SEC14L5: variants seen among roughly 807,000 people sequenced by gnomAD.
The protein encoded by SEC14L5 is SEC14 like lipid binding 5, also known as SEC14-like protein 5.
SEC14L5 carries 96 observed loss-of-function variants against 84.6 expected under a neutral mutation model. The ratio of observed to expected loss-of-function variants is 1.13; its 90% CI spans 0.96 to 1.34. The LOEUF is 1.34. Ranked by LOEUF, SEC14L5 falls within the 40% of genes most tolerant of loss-of-function variation. The pLI, the probability that SEC14L5 is intolerant of heterozygous loss-of-function variation, is 0.00. For missense variants in SEC14L5, 1,224 were observed against 942.5 expected, an observed-to-expected ratio of 1.30 and a Z score of -3.91; for synonymous variants, 546 against 383.4, an observed-to-expected ratio of 1.42 and a Z score of -4.95.
At chr16:4,981,375 G>A (rs1596622777) in intron 2 of SEC14L5, among the ~76,000 whole-genome samples, 1 of 147,886 alleles carries the variant, frequency 6.8e-6, no homozygotes, top group African/African-American at 2.5e-5. Context: ...GCCTCCCAAA[G>A]TGCTGGGATT....
intron 2 of SEC14L5, among the ~76,000 whole-genome samples, chr16:4,973,134 A>G (rs1596617317): frequency 1.3e-5 from 2 of 152,194 alleles, no homozygotes; most frequent in Non-Finnish European, 2.9e-5. Context: ...ACTGAGCCTC[A>G]GAGAGGTTGC....
chr16:5,008,163 A>G (rs1297387047), intron 13 of SEC14L5, among the ~76,000 whole-genome samples: 4 of 150,098 alleles, frequency 2.7e-5, no homozygotes, highest in African/African-American at 4.9e-5. Context: ...TGATCCACCC[A>G]CCTCGGCCTC....
At chr16:5,003,667 C>G (rs1955701782) in intron 11 of SEC14L5, 94 bp downstream of exon 11, 4 of 839,064 alleles carry the variant, frequency 4.8e-6, no homozygotes, top group African/African-American at 1.7e-5. Flanking sequence ...TTTCCTGTTT[C>G]ATTTCATTTA....
rs371810475 is a variant in SEC14L5, at chr16:4,996,990, C to T, written c.916C>T (p.Pro306Ser). 3.1e-6 allele frequency: 5 copies of T among 1,613,334 alleles called. No individual in the cohort carries two copies. The highest frequency in any genetic ancestry group is 3.4e-6 in the Non-Finnish European group (4 of 1,179,656). Residue 306 changes from proline to serine, a missense_variant, in exon 8 of 16, where the codon CCC becomes TCC. By Grantham distance (74) the Pro-to-Ser change is moderately conservative (BLOSUM62 -1). Coordinates refer to ENST00000251170, the MANE Select transcript of SEC14L5 (RefSeq NM_014692.2). ...GGATCTCCTCCTTCAGACCTGGCAA[C>T]CCCCTGCCCTGCTGGAGGAGTTCTA... is the stretch of plus-strand genomic sequence containing the variant. The part of the protein sequence containing the change: ...QVDLLLQTWQ[P>S]PALLEEFYAG...
rs1156492238 is a variant in SEC14L5, at chr16:5,008,495, C to T, written c.1647C>T (p.Phe549=). 6 of 1,613,206 alleles carry T rather than the reference C, an allele frequency of 3.7e-6. No individual in the cohort carries two copies. The highest frequency in any genetic ancestry group is 5.1e-6 in the Non-Finnish European group (6 of 1,179,676). The stretch of plus-strand genomic sequence containing the variant: ...ACATCCTGCGAGGGGACGTGGTGTT[C>T]AGCCTGTACCACACCAAGCAGGCGC... The part of the protein sequence containing the change: ...DFDILRGDVV[F]SLYHTKQAPR... Residue 549 remains phenylalanine, a synonymous_variant, in exon 14 of 16, where the codon TTC becomes TTT. Transcript: ENST00000251170.
At position 5,011,152 on chromosome 16, in the gene SEC14L5, C is replaced by T. The variant is rs199905767; in HGVS notation, c.1858C>T (p.Pro620Ser). ...VYLLQWQMHS[P>S]PSSVACSLPG... ...CCTGCTCCAGTGGCAAATGCACAGC[C>T]CCCCCAGCAGCGTGGCCTGCAGCCT... is the stretch of plus-strand genomic sequence containing the variant. Residue 620 changes from proline (P) to serine (S), a missense_variant, in exon 15 of 16, where the codon CCC becomes TCC. By Grantham distance (74) the Pro-to-Ser change is moderately conservative. Transcript: ENST00000251170. The T allele has an allele frequency of 4.3e-5, 69 of 1,612,436 alleles. No homozygotes were observed. The highest frequency in any genetic ancestry group is 5.3e-5 in the Non-Finnish European group (63 of 1,179,378).
intron 15 of SEC14L5, among the ~76,000 whole-genome samples, chr16:5,014,048 C>T (rs1411424350): frequency 2.0e-5 from 3 of 152,362 alleles, no homozygotes; most frequent in South Asian, 4.1e-4. Flanking sequence ...GTTCCCAGAC[C>T]ATGCTTTGAG....
rs2142541329 is a variant in SEC14L5, at chr16:5,015,278, C to A, written c.*308C>A. 1 of 340,014 alleles carries A rather than the reference C, an allele frequency of 2.9e-6. No individual in the cohort carries two copies. Among genetic ancestry groups the A allele is most frequent in the East Asian group, 5.2e-5 (1 of 19,236 alleles). 21.1% of individuals were successfully genotyped at this position (340,014 alleles called of 1,614,324 possible). A position where few individuals can be genotyped will look rare whatever the true frequency, so the allele number is the denominator to read the frequency against. On this transcript the variant is annotated 3_prime_UTR_variant, in exon 16 of 16. Transcript: ENST00000251170. ...CCGGGCTTAGCGACGTCAGCCAGGC[C>A]CATCTCCTCTCTGTCCACCTCTTGC...
intron 7 of SEC14L5, 56 bp downstream of exon 7, chr16:4,996,516 G>T: frequency 2.2e-6 from 2 of 890,626 alleles, no homozygotes; most frequent in Non-Finnish European, 3.6e-6. Flanking sequence ...CTGGTACTCA[G>T]CCTCCGTGCA....
chr16:4,998,982 C>G (rs1412320205), intron 8 of SEC14L5, among the ~76,000 whole-genome samples: 1 of 152,148 alleles, frequency 6.6e-6, no homozygotes, highest in Non-Finnish European at 1.5e-5. Context: ...TTGGAGTCGC[C>G]CATCACGCAT....
intron 13 of SEC14L5, 99 bp downstream of exon 13, chr16:5,007,585 C>T (rs370992612): frequency 4.4e-5 from 36 of 821,030 alleles, no homozygotes; most frequent in South Asian, 2.3e-4. Flanking sequence ...ATTCTTTTTT[C>T]TTTTCTTTCT....
chr16:4,975,255 A>G (rs1169993672), intron 2 of SEC14L5, among the ~76,000 whole-genome samples: 2 of 151,836 alleles, frequency 1.3e-5, no homozygotes, highest in African/African-American at 4.8e-5. Flanking sequence ...GGCGGATCAC[A>G]AGGTCAGGAG....
At chr16:4,965,907 T>C (rs1955195231) in intron 2 of SEC14L5, among the ~76,000 whole-genome samples, 1 of 151,930 alleles carries the variant, frequency 6.6e-6, no homozygotes, top group African/African-American at 2.4e-5. Context: ...CTGGGTGTGA[T>C]GGTTTACACC....
chr16:5,009,589 G>T (rs1231952218), intron 14 of SEC14L5, among the ~76,000 whole-genome samples: 1 of 152,134 alleles, frequency 6.6e-6, no homozygotes, highest in African/African-American at 2.4e-5. Flanking sequence ...CTCCCAAAGT[G>T]CTGGGATTAG....
chr16:4,980,005 C>G (rs1363521734), intron 2 of SEC14L5, among the ~76,000 whole-genome samples: 1 of 152,212 alleles, frequency 6.6e-6, no homozygotes, highest in Non-Finnish European at 1.5e-5. Context: ...AGGCAGGACA[C>G]AGTGATTCAG....
rs1955798591 is a variant in SEC14L5, at chr16:5,011,225, A to G, written c.1931A>G (p.Lys644Arg). 3 of 1,613,748 alleles carry G rather than the reference A, an allele frequency of 1.9e-6. No homozygotes were observed. The highest frequency in any genetic ancestry group is 2.5e-6 in the Non-Finnish European group (3 of 1,179,880). The change falls in exon 15 of 16, where the codon AAG (lysine) becomes AGG (arginine). Residue 644 changes from lysine (K) to arginine (R), a missense_variant. Coordinates refer to ENST00000251170, the MANE Select transcript of SEC14L5 (RefSeq NM_014692.2). ...ACGGCTCTGCACAGCCCCGGGCCCA[A>G]GTGCAAACTTCTCTACTACTGTGAG... ...VLTALHSPGPKCKLLYYCEVL... is the reference protein window; with the variant it reads ...VLTALHSPGPRCKLLYYCEVL...
At chr16:4,999,721 C>T (rs1955654563) in intron 8 of SEC14L5, among the ~76,000 whole-genome samples, 1 of 152,092 alleles carries the variant, frequency 6.6e-6, no homozygotes, top group Non-Finnish European at 1.5e-5. Context: ...CGAGACCAGC[C>T]TGGCCAACAT....
In SEC14L5 at chr16:4,976,608, C is replaced by T. The variant is rs115048450; in HGVS notation, c.64-10949C>T. Among the ~76,000 whole-genome samples the T allele has an allele frequency of 5.4e-3, 815 of 152,298 alleles. 4 individuals carry two copies. The highest frequency in any genetic ancestry group is 0.019 in the African/African-American group (786 of 41,554). Reference sequence around the variant, plus strand: ...TTCAGGGCTATTTAGCTCCAGCCTCCCATCTCCAGATGCTAATTGTGTCAA... The same window carrying T: ...TTCAGGGCTATTTAGCTCCAGCCTCTCATCTCCAGATGCTAATTGTGTCAA... On this transcript the variant is annotated intron_variant, in intron 2 of 15. Transcript: ENST00000251170.
chr16:4,968,263 T>A (rs1248059827), intron 2 of SEC14L5, among the ~76,000 whole-genome samples: 17 of 151,590 alleles, frequency 1.1e-4, no homozygotes, highest in Admixed American at 1.1e-3. Flanking sequence ...CACTGAAACC[T>A]CTGCCTCCCG....
Sources: allele counts gnomAD v4.1 joint callset (sites outside exome capture counted in the v4.1 genomes callset), GRCh38; gene constraint gnomAD v4.1.1; transcripts MANE v1.5; gene names NCBI Gene and HGNC (gene_info 2026-07-23, HGNC 2026-07-21).